SNTG1: variants seen among roughly 807,000 people sequenced by gnomAD.
The protein encoded by SNTG1 is syntrophin gamma 1.
A neutral mutation model predicts 74.7 loss-of-function variants in SNTG1; 39 were observed. The ratio of observed to expected loss-of-function variants is 0.52; its 90% confidence interval spans 0.40 to 0.68. SNTG1 has a LOEUF of 0.68. SNTG1 is among the 30% of genes least tolerant of loss of function. The pLI is 0.00. For synonymous variants in SNTG1, 254 were observed against 217.1 expected (o/e 1.17, Z -1.49); for missense variants, 685 against 609.5 (o/e 1.12, Z -1.30).
chr8:50,105,792 A>T (rs530300107), intron 1 of SNTG1, among the ~76,000 whole-genome samples: 25 of 152,120 alleles, frequency 1.6e-4, no homozygotes, highest in Non-Finnish European at 3.1e-4. Flanking sequence ...TTTTGTGACT[A>T]TTGTGAGTGA....
intron 17 of SNTG1, among the ~76,000 whole-genome samples, chr8:50,750,721 T>C (rs975410871): frequency 2.0e-5 from 3 of 151,994 alleles, no homozygotes; most frequent in African/African-American, 7.2e-5. Context: ...ATATTTTAAT[T>C]AAGGTATATA....
intron 13 of SNTG1, among the ~76,000 whole-genome samples, chr8:50,617,726 A>G (rs1432997899): frequency 6.6e-6 from 1 of 152,216 alleles, no homozygotes; most frequent in Non-Finnish European, 1.5e-5. Context: ...TTGAGCAAGA[A>G]GTGGGTACAT....
At position 50,752,030 on chromosome 8, in the gene SNTG1, G is replaced by A. The variant is rs767499949; in HGVS notation, c.1314G>A (p.Gln438=). The change falls in exon 18 of 19, where the codon CAG becomes CAA. Residue 438 remains glutamine (Q), a synonymous_variant. Transcript: ENST00000642720. The part of the protein sequence containing the change: ...KAVLWRYKFS[Q]LKGSSDDGKS... The stretch of plus-strand genomic sequence containing the variant: ...TCCTTTGGAGGTATAAATTCTCTCA[G>A]CTTAAAGGTTCTTCAGATGATGGCA... 13 of 1,571,642 alleles carry A rather than the reference G, an allele frequency of 8.3e-6. No individual in the cohort carries two copies. The South Asian group carries it at 1.1e-4, about 13-fold the overall frequency.
intron 4 of SNTG1, among the ~76,000 whole-genome samples, chr8:50,430,064 C>G (rs951693867): frequency 2.6e-5 from 4 of 152,064 alleles, no homozygotes; most frequent in African/African-American, 7.2e-5. Flanking sequence ...ATTTTCAATA[C>G]TTGGTATATA....
At chr8:50,576,024 AT>A (rs898048116) in intron 12 of SNTG1, among the ~76,000 whole-genome samples, 3 of 152,134 alleles carry the variant, frequency 2.0e-5, no homozygotes, top group African/African-American at 7.2e-5. Flanking sequence ...GGCTTTATCC[AT>A]TTGGAAAATT....
intron 8 of SNTG1, among the ~76,000 whole-genome samples, chr8:50,497,537 A>G (rs1210615266): frequency 1.3e-5 from 2 of 152,032 alleles, no homozygotes; most frequent in African/African-American, 4.8e-5. Flanking sequence ...CAAATACATA[A>G]GCCAAGTTCA....
At chr8:50,099,571 T>C (rs879313954) in intron 1 of SNTG1, among the ~76,000 whole-genome samples, 3 of 152,154 alleles carry the variant, frequency 2.0e-5, no homozygotes, top group South Asian at 2.1e-4. Flanking sequence ...AACTTCATGC[T>C]GCTCTCCACA....
chr8:50,598,547 G>T (rs911796521), intron 13 of SNTG1, among the ~76,000 whole-genome samples: 1 of 151,762 alleles, frequency 6.6e-6, no homozygotes, highest in Non-Finnish European at 1.5e-5. Flanking sequence ...GTTCAAGATG[G>T]CTTTGACTAC....
chr8:50,049,041 T>C (rs886997359), intron 1 of SNTG1, among the ~76,000 whole-genome samples: 4 of 150,792 alleles, frequency 2.7e-5, no homozygotes, highest in Non-Finnish European at 5.9e-5. Flanking sequence ...GAATTAAAAA[T>C]AAAATTATAT....
chr8:50,376,756 T>TATATATATATATATATATATATAGAG (rs1381048539), intron 2 of SNTG1, among the ~76,000 whole-genome samples: 1 of 89,988 alleles, frequency 1.1e-5, no homozygotes. Flanking sequence ...TATATATATA[T>TATATATATATATATATATATATAGAG]AGAGAGAGAG....
At chr8:50,328,706 T>C (rs2090848336) in intron 2 of SNTG1, among the ~76,000 whole-genome samples, 1 of 152,140 alleles carries the variant, frequency 6.6e-6, no homozygotes, top group Admixed American at 6.5e-5. Context: ...TTTTATAATG[T>C]GAGGTGAGAT....
At chr8:50,082,637 T>G (rs13271983) in intron 1 of SNTG1, among the ~76,000 whole-genome samples, 35,725 of 152,044 alleles carry the variant, frequency 0.23, 4,260 homozygotes, top group South Asian at 0.38. Flanking sequence ...GATGATGAAT[T>G]TATGAATGTC....
intron 2 of SNTG1, among the ~76,000 whole-genome samples, chr8:50,209,702 C>T (rs1325263031): frequency 6.6e-6 from 1 of 152,152 alleles, no homozygotes; most frequent in Non-Finnish European, 1.5e-5. Flanking sequence ...AGGACATCCA[C>T]ACCAAAACCC....
rs138077014 is a variant in SNTG1 at position 50,277,080 on chromosome 8, G to A, written c.-28+104445G>A. Among the ~76,000 whole-genome samples the A allele has an allele frequency of 4.2e-3, 632 of 151,928 alleles. 1 individual carries two copies. The highest frequency in any genetic ancestry group is 7.5e-3 in the Non-Finnish European group (512 of 67,956). ...CCTGACCTTATGATCCACCTGCCTCGGCCTCCCAGAGTGCTGGGATTACAG... is the reference window on the plus strand; with the variant it reads ...CCTGACCTTATGATCCACCTGCCTCAGCCTCCCAGAGTGCTGGGATTACAG... On this transcript the variant is annotated intron_variant, in intron 2 of 18. Coordinates refer to ENST00000642720, the MANE Select transcript of SNTG1 (RefSeq NM_018967.5).
chr8:50,719,609 G>A (rs1219463202), intron 17 of SNTG1, among the ~76,000 whole-genome samples: 4 of 152,070 alleles, frequency 2.6e-5, no homozygotes, highest in Admixed American at 6.6e-5. Context: ...TCACACAGAT[G>A]GCATGTAAAC....
intron 2 of SNTG1, among the ~76,000 whole-genome samples, chr8:50,253,427 T>TAAAC (rs1383824902): frequency 6.6e-6 from 1 of 151,106 alleles, no homozygotes; most frequent in African/African-American, 2.4e-5. Context: ...CCGTCTTAAA[T>TAAAC]AAATAAATAA....
At chr8:50,390,665 T>G (rs976664441) in intron 2 of SNTG1, among the ~76,000 whole-genome samples, 1 of 152,208 alleles carries the variant, frequency 6.6e-6, no homozygotes, top group African/African-American at 2.4e-5. Context: ...TTGGGCAGAA[T>G]GGCCATTTTC....
chr8:50,682,904 C>T (rs550223779), intron 15 of SNTG1, among the ~76,000 whole-genome samples: 9 of 152,240 alleles, frequency 5.9e-5, no homozygotes, highest in South Asian at 2.1e-4. Context: ...TTTTACTTCA[C>T]GCCTATTTTC....
intron 12 of SNTG1, among the ~76,000 whole-genome samples, chr8:50,583,140 G>A (rs1308002660): frequency 1.3e-5 from 2 of 152,038 alleles, no homozygotes; most frequent in South Asian, 2.1e-4. Context: ...GGTGGCTCAT[G>A]CCTGTAATCT....
Sources: allele counts gnomAD v4.1 joint callset (sites outside exome capture counted in the v4.1 genomes callset), GRCh38; gene constraint gnomAD v4.1.1; transcripts MANE v1.5; gene names NCBI Gene and HGNC (gene_info 2026-07-23, HGNC 2026-07-21).